Variants in SBK1 observed in about 807,000 individuals in gnomAD.
SBK1 encodes the protein serine/threonine-protein kinase SBK1.
Under a neutral mutation model 24.4 loss-of-function variants are expected in SBK1, and 11 were observed. The ratio of observed to expected loss-of-function variants is 0.45; its 90% confidence interval spans 0.28 to 0.75. SBK1 has a LOEUF of 0.75. Among genes scored for constraint, SBK1 ranks in the 30% least tolerant of loss-of-function variants. The probability of loss-of-function intolerance (pLI) is 0.12; values close to 1 mark genes in which losing one functional copy is unlikely to be tolerated. For missense variants in SBK1, 467 were observed against 620.5 expected (o/e 0.75, Z 2.63); for synonymous variants, 308 against 284.4 (o/e 1.08, Z -0.83).
intron 1 of SBK1, among the ~76,000 whole-genome samples, chr16:28,310,759 G>A (rs1451848512): frequency 2.0e-5 from 3 of 152,168 alleles, no homozygotes; most frequent in Non-Finnish European, 4.4e-5. Flanking sequence ...GAACGGCCAG[G>A]CAGGTGGTAA....
intron 1 of SBK1, among the ~76,000 whole-genome samples, chr16:28,305,995 C>G (rs2044714052): frequency 6.6e-6 from 1 of 152,204 alleles, no homozygotes; most frequent in African/African-American, 2.4e-5. Flanking sequence ...ATGGCCCTCT[C>G]TCTGCCCGTG....
chr16:28,313,846 G>A (rs1427247801), intron 1 of SBK1, among the ~76,000 whole-genome samples: 1 of 152,140 alleles, frequency 6.6e-6, no homozygotes, highest in Non-Finnish European at 1.5e-5. Flanking sequence ...CGAGAGTGAA[G>A]GGGAAGGCAG....
At chr16:28,277,151 G>T (rs561631378) in intron 1 of SBK1, among the ~76,000 whole-genome samples, 48 of 152,186 alleles carry the variant, frequency 3.2e-4, no homozygotes, top group African/African-American at 1.1e-3. Flanking sequence ...CGAAGGGGAC[G>T]GGAGGAGGTC....
chr16:28,322,666 C>G lies in SBK1; in HGVS notation c.*1745C>G, dbSNP rs2044859859. Reference sequence around the variant, plus strand: ...GCTGTGCCCACTCCTCTCCAGACTCCACCTCCCCAGTGGGTATGGGCCCTC... The same window carrying G: ...GCTGTGCCCACTCCTCTCCAGACTCGACCTCCCCAGTGGGTATGGGCCCTC... On this transcript the variant is annotated 3_prime_UTR_variant, in exon 4 of 4. Coordinates refer to ENST00000341901, the MANE Select transcript of SBK1 (RefSeq NM_001024401.3). 1 of 153,090 alleles carries G rather than the reference C, an allele frequency of 6.5e-6. No homozygotes were observed. The highest frequency in any genetic ancestry group is 1.5e-5 in the Non-Finnish European group (1 of 68,324). The allele number at this position is 153,090 out of a possible 1,614,324, so 9.5% of individuals were successfully genotyped here. A position where few individuals can be genotyped will look rare whatever the true frequency, so the allele number is the denominator to read the frequency against.
Position 28,321,237 on chromosome 16 carries a change from A to ACACACACACACACACG in SBK1, c.*317_*318insACACACACACACACGC, listed in dbSNP as rs2044845361. On this transcript the variant is annotated 3_prime_UTR_variant, in exon 4 of 4. Coordinates refer to ENST00000341901, the MANE Select transcript of SBK1 (RefSeq NM_001024401.3). The stretch of plus-strand genomic sequence containing the variant: ...CACACACACACACACACACACACAC[A>ACACACACACACACACG]CGCCAGGAGCAAGGGAGCTTTCGGG... The ACACACACACACACACG allele has an allele frequency of 6.8e-6, 1 of 147,516 alleles. No individual in the cohort carries two copies. The highest frequency in any genetic ancestry group is 1.4e-5 in the Non-Finnish European group (1 of 70,642). 9.1% of individuals were successfully genotyped at this position (147,516 alleles called of 1,614,324 possible).
In SBK1 at chr16:28,319,113, C is replaced by T. The variant is rs1043327094; in HGVS notation, c.345C>T (p.Asp115=). ...SSSPFIIKVF[D]VVFETEDCYV... ...GCCCCTTCATCATCAAGGTCTTTGACGTGGTCTTTGAGACAGAGGACTGCT... is the reference window on the plus strand; with the variant it reads ...GCCCCTTCATCATCAAGGTCTTTGATGTGGTCTTTGAGACAGAGGACTGCT... The change falls in exon 3 of 4, where the codon GAC becomes GAT. Residue 115 remains aspartate, a synonymous_variant. Coordinates refer to ENST00000341901, the MANE Select transcript of SBK1 (RefSeq NM_001024401.3). This position sits in a 1 kb window ranked among gnomAD's most constrained non-coding sequence, Gnocchi z 4.0. The T allele has an allele frequency of 5.0e-6, 8 of 1,614,052 alleles. No individual in the cohort carries two copies. Among genetic ancestry groups the T allele is most frequent in the Non-Finnish European group, 5.9e-6 (7 of 1,179,948 alleles).
intron 1 of SBK1, among the ~76,000 whole-genome samples, chr16:28,310,338 A>T (rs2044745759): frequency 6.6e-6 from 1 of 152,222 alleles, no homozygotes; most frequent in Admixed American, 6.5e-5. Context: ...TGCTCCTGCA[A>T]GTGGAGGCAG....
chr16:28,316,270 C>G (rs2044794901), intron 1 of SBK1, among the ~76,000 whole-genome samples: 1 of 152,118 alleles, frequency 6.6e-6, no homozygotes, highest in African/African-American at 2.4e-5. Context: ...AATCATGGCC[C>G]TCAGACCTCT....
chr16:28,300,380 C>T (rs1282266704), intron 1 of SBK1, among the ~76,000 whole-genome samples: 2 of 152,056 alleles, frequency 1.3e-5, no homozygotes, highest in Non-Finnish European at 2.9e-5. Flanking sequence ...AGTGCAGTGG[C>T]GTCATCACAG....
intron 1 of SBK1, among the ~76,000 whole-genome samples, chr16:28,265,375 C>T (rs143111333): frequency 2.6e-5 from 4 of 151,970 alleles, no homozygotes; most frequent in Admixed American, 6.6e-5. Context: ...GCCATGATGG[C>T]GCCGCTATAG....
intron 1 of SBK1, 92 bp downstream of exon 1, chr16:28,293,392 T>G: frequency 3.0e-5 from 18 of 594,784 alleles, no homozygotes; most frequent in South Asian, 1.5e-4. Context: ...GGTTGCGCGC[T>G]CCCCCTTCCC....
In SBK1 at chr16:28,259,823, G is replaced by A. The variant is rs1045451061; in HGVS notation, c.257+321G>A. Among the ~76,000 whole-genome samples, 1 of 152,084 alleles carries A rather than the reference G, an allele frequency of 6.6e-6. No individual in the cohort carries two copies. The highest frequency in any genetic ancestry group is 2.4e-5 in the African/African-American group (1 of 41,396). On this transcript the variant is annotated intron_variant, in intron 1 of 3. Coordinates refer to the SBK1 transcript ENST00000671413. This position sits in a 1 kb window ranked among gnomAD's most constrained non-coding sequence, Gnocchi z 6.0. ...ACTCGGCTGAGCATTCAAGGCCTGC[G>A]TGATTGGGGCCGACACTCCCCACCT...
intron 1 of SBK1, among the ~76,000 whole-genome samples, chr16:28,315,270 T>C (rs1455553716): frequency 6.6e-6 from 1 of 152,124 alleles, no homozygotes; most frequent in Admixed American, 6.5e-5. Context: ...AAGGAAACTT[T>C]GGGGTAATGG....
chr16:28,309,459 C>G (rs959502812), intron 1 of SBK1, among the ~76,000 whole-genome samples: 1 of 152,194 alleles, frequency 6.6e-6, no homozygotes, highest in Non-Finnish European at 1.5e-5. Context: ...TCTTGGGCCT[C>G]TTTTGTTGTC....
chr16:28,274,134 G>A (rs1440318671), intron 1 of SBK1, among the ~76,000 whole-genome samples: 1 of 152,102 alleles, frequency 6.6e-6, no homozygotes, highest in Non-Finnish European at 1.5e-5. Flanking sequence ...CTGGGAGGGT[G>A]GACCTGTAAC....
At chr16:28,289,397 G>T (rs2044585354), upstream of SBK1, among the ~76,000 whole-genome samples, 1 of 152,302 alleles carries the variant, frequency 6.6e-6, no homozygotes, top group South Asian at 2.1e-4. Flanking sequence ...AAGAGAACTT[G>T]TTTGGAAAAC....
Position 28,317,659 on chromosome 16 carries a change from G to C in SBK1, c.226+42G>C, listed in dbSNP as rs753470061. The stretch of plus-strand genomic sequence containing the variant: ...TGGCAGGGCTGAGAGGTTGGGGTGG[G>C]GCAGGGCTGGGAGGTCAGGGTTGGG... On this transcript the variant is annotated intron_variant, in intron 2 of 3. Transcript: ENST00000341901. The surrounding 1 kb of genome is among the most constrained non-coding windows in gnomAD (Gnocchi z 4.2). 15 of 1,386,452 alleles carry C rather than the reference G, an allele frequency of 1.1e-5. 1 individual carries two copies. The highest frequency in any genetic ancestry group is 1.4e-5 in the Non-Finnish European group (14 of 974,874). 85.9% of individuals were successfully genotyped at this position (1,386,452 alleles called of 1,614,324 possible). A position where few individuals can be genotyped will look rare whatever the true frequency, so the allele number is the denominator to read the frequency against.
chr16:28,312,019 C>G (rs2044757657), intron 1 of SBK1, among the ~76,000 whole-genome samples: 1 of 152,230 alleles, frequency 6.6e-6, no homozygotes, highest in South Asian at 2.1e-4. Context: ...GGGCCAAAGC[C>G]CAAGGCGGGA....
Position 28,292,950 on chromosome 16 carries a change from G to T in SBK1, c.-358G>T. ...CAAGACCTAGAACGCAGTGCCCCCA[G>T]GCCGGGATTGCGAGAACCCCCTCCC... On this transcript the variant is annotated 5_prime_UTR_variant, in exon 1 of 4. In the 5' UTR this introduces an upstream ATG that the reference lacks. Coordinates refer to ENST00000341901, the MANE Select transcript of SBK1 (RefSeq NM_001024401.3). 1.0e-6 allele frequency: 1 copy of T among 976,018 alleles called. No homozygotes were observed. The highest frequency in any genetic ancestry group is 1.2e-6 in the Non-Finnish European group (1 of 822,126). 60.5% of individuals were successfully genotyped at this position (976,018 alleles called of 1,614,324 possible).
Sources: allele counts gnomAD v4.1 joint callset (sites outside exome capture counted in the v4.1 genomes callset), GRCh38; gene constraint gnomAD v4.1.1; non-coding constraint Gnocchi (gnomAD v3.1); transcripts MANE v1.5; gene names NCBI Gene and HGNC (gene_info 2026-07-23, HGNC 2026-07-21).